Variants in MLIP observed in about 807,000 individuals in gnomAD.
MLIP encodes muscular LMNA interacting protein.
Under a neutral mutation model 84.8 loss-of-function variants are expected in MLIP, and 79 were observed. The ratio of observed to expected loss-of-function variants is 0.93; its 90% CI spans 0.78 to 1.12. The LOEUF (loss-of-function observed/expected upper bound fraction) is 1.12. Ranked by LOEUF, MLIP falls within the 50% of genes most tolerant of loss-of-function variation. The pLI, the probability that MLIP is intolerant of heterozygous loss-of-function variation, is 0.00. For synonymous variants in MLIP, 504 were observed against 463.0 expected, an observed-to-expected ratio of 1.09 and a Z score of -1.14; for missense variants, 1,257 against 1,160.6, an observed-to-expected ratio of 1.08 and a Z score of -1.21.
intron 1 of MLIP, among the ~76,000 whole-genome samples, chr6:54,044,698 A>G (rs1764935897): frequency 1.3e-5 from 2 of 151,986 alleles, no homozygotes; most frequent in Admixed American, 1.3e-4. Context: ...TTACTGTAAA[A>G]CCATTACCTA....
chr6:54,252,546 A>G (rs1186798913), intron 12 of MLIP, among the ~76,000 whole-genome samples: 1 of 145,618 alleles, frequency 6.9e-6, no homozygotes, highest in African/African-American at 2.5e-5. Flanking sequence ...ATGATAATAA[A>G]TATAACCTAT....
chr6:54,248,729 G>A lies in MLIP; in HGVS notation c.2923-8579G>A, dbSNP rs146789198. Among the ~76,000 whole-genome samples, 259 of 152,138 alleles carry A rather than the reference G, an allele frequency of 1.7e-3. 2 individuals are homozygous for A. The highest frequency in any genetic ancestry group is 5.9e-3 in the African/African-American group (245 of 41,520). ...AAATAGCATAATTTAGGAGTTTTCC[G>A]TCATATTTCAGATCTATTACAAAGA... On this transcript the variant is annotated intron_variant, in intron 12 of 13. Coordinates refer to ENST00000502396, the MANE Select transcript of MLIP (RefSeq NM_001281747.2).
chr6:54,028,670 G>T (rs188508496), intron 1 of MLIP, among the ~76,000 whole-genome samples: 2 of 152,190 alleles, frequency 1.3e-5, no homozygotes, highest in African/African-American at 4.8e-5. Context: ...CATTCATTCA[G>T]CCCAGCAATC....
intron 11 of MLIP, chr6:54,216,861 A>C (rs756197811): frequency 1.0e-6 from 1 of 985,402 alleles, no homozygotes; most frequent in Non-Finnish European, 1.2e-6. Context: ...TTTCATAGTA[A>C]CATGAGGTTT....
chr6:54,218,662 G>A (rs1187240580), intron 11 of MLIP, among the ~76,000 whole-genome samples: 1 of 151,942 alleles, frequency 6.6e-6, no homozygotes, highest in Non-Finnish European at 1.5e-5. Flanking sequence ...GGGACTACAG[G>A]TGCACGCCAT....
At chr6:54,139,661 A>G (rs955942493) in intron 4 of MLIP, among the ~76,000 whole-genome samples, 2 of 152,186 alleles carry the variant, frequency 1.3e-5, no homozygotes, top group African/African-American at 4.8e-5. Context: ...AGTTGATAAT[A>G]CTATTTTCCC....
rs1254589994 is a variant in MLIP at position 54,230,804 on chromosome 6, A to T, written c.2809A>T (p.Thr937Ser). 1 of 1,613,764 alleles carries T rather than the reference A, an allele frequency of 6.2e-7. No individual in the cohort carries two copies. The highest frequency in any genetic ancestry group is 1.7e-5 in the Admixed American group (1 of 59,954). The change falls in exon 12 of 14, where the codon ACC becomes TCC. Residue 937 changes from threonine (T) to serine (S), a missense_variant. Transcript: ENST00000502396. The part of the protein sequence containing the change: ...PPAKSLLHPQ[T>S]LSHADCLAPG... ...TGCTAAGTCACTGCTGCATCCACAG[A>T]CCCTCTCACATGCTGACTGTCTTGC... is the stretch of plus-strand genomic sequence containing the variant.
At chr6:54,205,265 T>G (rs2150724533) in intron 11 of MLIP, among the ~76,000 whole-genome samples, 1 of 152,296 alleles carries the variant, frequency 6.6e-6, no homozygotes, top group South Asian at 2.1e-4. Flanking sequence ...GTACTCAAAT[T>G]CATTTCTAGT....
intron 12 of MLIP, among the ~76,000 whole-genome samples, chr6:54,252,674 T>C (rs1428217949): frequency 6.6e-6 from 1 of 151,590 alleles, no homozygotes; most frequent in Non-Finnish European, 1.5e-5. Flanking sequence ...ATGAGATCTT[T>C]AGCTTCATCT....
At chr6:54,058,297 T>C (rs1273854925) in intron 1 of MLIP, among the ~76,000 whole-genome samples, 1 of 152,184 alleles carries the variant, frequency 6.6e-6, no homozygotes, top group Non-Finnish European at 1.5e-5. Flanking sequence ...TGTTAGATAC[T>C]GGGGTTACAG....
intron 1 of MLIP, among the ~76,000 whole-genome samples, chr6:54,038,900 TTTCATATA>T (rs1344774815): frequency 1.3e-5 from 2 of 152,072 alleles, no homozygotes; most frequent in South Asian, 4.1e-4. Context: ...CACATTTACT[TTTCATATA>T]ACGAAATTAG....
At chr6:54,083,949 A>C (rs1281230033) in intron 1 of MLIP, among the ~76,000 whole-genome samples, 3 of 152,206 alleles carry the variant, frequency 2.0e-5, no homozygotes, top group Non-Finnish European at 4.4e-5. Context: ...TTTTAGGACT[A>C]AATTTGAGAT....
intron 1 of MLIP, among the ~76,000 whole-genome samples, chr6:54,028,732 G>T (rs1212385909): frequency 6.6e-6 from 1 of 152,136 alleles, no homozygotes; most frequent in Non-Finnish European, 1.5e-5. Flanking sequence ...TTTGCATGGG[G>T]TGGGGAAGGA....
At chr6:54,096,798 T>A (rs576833032) in intron 1 of MLIP, among the ~76,000 whole-genome samples, 2 of 152,324 alleles carry the variant, frequency 1.3e-5, no homozygotes, top group South Asian at 4.1e-4. Flanking sequence ...CAGTTATTAA[T>A]GATTTTGCAA....
chr6:54,079,397 G>GA (rs1288567611), intron 1 of MLIP: 5 of 152,020 alleles, frequency 3.3e-5, no homozygotes, highest in African/African-American at 9.7e-5. Flanking sequence ...ATGATGGGTG[G>GA]GAAACATTTA....
At chr6:54,228,478 T>A (rs997938560) in intron 11 of MLIP, among the ~76,000 whole-genome samples, 2 of 152,160 alleles carry the variant, frequency 1.3e-5, no homozygotes, top group Non-Finnish European at 2.9e-5. Flanking sequence ...GATTCTGCTC[T>A]CCCTCCCTGC....
intron 1 of MLIP, among the ~76,000 whole-genome samples, chr6:54,052,831 T>G (rs181811562): frequency 6.6e-6 from 1 of 152,336 alleles, no homozygotes; most frequent in Non-Finnish European, 1.5e-5. Flanking sequence ...GCTGAATCTC[T>G]ATTGGTTTCT....
At chr6:54,045,090 T>C (rs1441281293) in intron 1 of MLIP, among the ~76,000 whole-genome samples, 2 of 152,132 alleles carry the variant, frequency 1.3e-5, no homozygotes, top group African/African-American at 4.8e-5. Context: ...AGCTCATGCC[T>C]GAAATCCCAG....
chr6:54,243,884 C>G (rs1439128583), intron 12 of MLIP, among the ~76,000 whole-genome samples: 1 of 152,140 alleles, frequency 6.6e-6, no homozygotes, highest in African/African-American at 2.4e-5. Flanking sequence ...CCCAAAGATG[C>G]AAAGTGACAT....
Sources: gnomAD v4.1 joint callset for allele counts (sites outside exome capture counted in the v4.1 genomes callset) on GRCh38, gnomAD v4.1.1 for gene constraint, MANE v1.5 for transcripts, NCBI Gene and HGNC (gene_info 2026-07-23, HGNC 2026-07-21) for gene names.